Variants in FRS2 observed in about 807,000 individuals in gnomAD.
FRS2 encodes fibroblast growth factor receptor substrate 2.
In FRS2, 8 loss-of-function variants were observed where a neutral mutation model predicts 43.9. The observed-to-expected ratio is 0.18, with a 90% CI of 0.11 to 0.33. The LOEUF (loss-of-function observed/expected upper bound fraction) is 0.33, where lower values mean the gene tolerates loss of function less well. Among genes scored for constraint, FRS2 ranks in the 10% least tolerant of loss-of-function variants. The pLI is 1.00. For synonymous variants in FRS2, 219 were observed against 220.3 expected (o/e 0.99, Z 0.05); for missense variants, 534 against 627.6 (o/e 0.85, Z 1.59).
Position 69,575,068 on chromosome 12 carries a change from T to G in FRS2, c.*113T>G. The G allele has an allele frequency of 1.5e-6, 1 of 663,706 alleles. No individual in the cohort carries two copies. The highest frequency in any genetic ancestry group is 2.6e-6 in the Non-Finnish European group (1 of 384,746). 41.1% of individuals were successfully genotyped at this position (663,706 alleles called of 1,614,324 possible). ...TCCTTTTATAGACTGATAAAATTTT[T>G]TTCTGAATATTTCATGTGCATCTTT... On this transcript the variant is annotated 3_prime_UTR_variant, in exon 9 of 9. Transcript: ENST00000549921.
intron 1 of FRS2, among the ~76,000 whole-genome samples, chr12:69,498,952 T>C (rs1873182949): frequency 6.6e-6 from 1 of 152,200 alleles, no homozygotes; most frequent in Non-Finnish European, 1.5e-5. Flanking sequence ...TATGAGGTAT[T>C]ATTGGCCCTC....
chr12:69,513,731 G>T (rs1409043359), intron 1 of FRS2, among the ~76,000 whole-genome samples: 1 of 152,024 alleles, frequency 6.6e-6, no homozygotes, highest in South Asian at 2.1e-4. Flanking sequence ...ATGACCCTTG[G>T]GGGTGGGGCT....
At position 69,538,222 on chromosome 12, in the gene FRS2, TAGCATTGCAGATTATATATATATATAC is replaced by T. The variant is rs1272811724; in HGVS notation, c.-122+6168_-122+6194del. ...TTATATATATATATATATATATATA[TAGCATTGCAGATTATATATATATATAC>T]ATATATATATAAAGCATTGCAGATT... On this transcript the variant is annotated intron_variant, in intron 3 of 8. Coordinates refer to ENST00000549921, the MANE Select transcript of FRS2 (RefSeq NM_001278356.2). Among the ~76,000 whole-genome samples, 178 of 119,152 alleles carry T rather than the reference TAGCATTGCAGATTATATATATATATAC, an allele frequency of 1.5e-3. 2 individuals carry two copies. The highest frequency in any genetic ancestry group is 4.9e-3 in the African/African-American group (151 of 30,568). The allele number at this position is 119,152 out of a possible 152,430, so 78.2% of individuals were successfully genotyped here.
intron 1 of FRS2, among the ~76,000 whole-genome samples, chr12:69,522,548 CTGGGTGTATTGATCT>C (rs1875791289): frequency 2.0e-5 from 3 of 152,038 alleles, no homozygotes. Flanking sequence ...AAGCCAACTC[CTGGGTGTATTGATCT>C]TTTGAATGGT....
At chr12:69,533,132 G>A (rs766288237) in intron 3 of FRS2, among the ~76,000 whole-genome samples, 2 of 152,114 alleles carry the variant, frequency 1.3e-5, no homozygotes, top group Non-Finnish European at 2.9e-5. Context: ...ATAACAACTA[G>A]GATAGTCTTA....
At chr12:69,470,862 T>G (rs1319431315) in intron 1 of FRS2, among the ~76,000 whole-genome samples, 1 of 152,134 alleles carries the variant, frequency 6.6e-6, no homozygotes, top group Admixed American at 6.5e-5. Context: ...CCTAGTTTGG[T>G]ATTCTGTGTC....
chr12:69,539,920 A>T (rs1877716539), intron 3 of FRS2, among the ~76,000 whole-genome samples: 1 of 151,948 alleles, frequency 6.6e-6, no homozygotes, highest in Non-Finnish European at 1.5e-5. Flanking sequence ...GTGCCACTGC[A>T]CTCCAGCCTG....
At chr12:69,476,688 G>A (rs1171784517) in intron 1 of FRS2, among the ~76,000 whole-genome samples, 1 of 139,710 alleles carries the variant, frequency 7.2e-6, no homozygotes, top group African/African-American at 2.7e-5. Context: ...TGCATCAGTT[G>A]TCTAGATGAG....
rs59475670 is a variant in FRS2 at position 69,530,977 on chromosome 12, CT to C, written c.-165+34del. 16,362 of 134,542 alleles carry C rather than the reference CT, an allele frequency of 0.12. 1,327 individuals are homozygous for C. Among genetic ancestry groups the C allele is most frequent in the East Asian group, 0.4 (1,873 of 4,732 alleles). The allele number at this position is 134,542 out of a possible 1,614,324, so 8.3% of individuals were successfully genotyped here. On this transcript the variant is annotated intron_variant, in intron 2 of 8. Coordinates refer to ENST00000549921, the MANE Select transcript of FRS2 (RefSeq NM_001278356.2). Reference sequence around the variant, plus strand: ...ACCAGCTTGGTAAGTGTGGCCAAATCTTTTTTTTTTTTTTTTTAACTTTGTA... The same window carrying C: ...ACCAGCTTGGTAAGTGTGGCCAAATCTTTTTTTTTTTTTTTTAACTTTGTA...
intron 3 of FRS2, among the ~76,000 whole-genome samples, chr12:69,536,101 CTTTTTTTTTTTTTTTTTTTTT>C (rs71094720): frequency 6.7e-4 from 25 of 37,174 alleles, no homozygotes; most frequent in Admixed American, 1.2e-3. Context: ...TATTTTCATT[CTTTTTTTTTTTTTTTTTTTTT>C]TTTTTTTTTT....
At chr12:69,504,004 G>GAC (rs1873701313) in intron 1 of FRS2, among the ~76,000 whole-genome samples, 2 of 152,112 alleles carry the variant, frequency 1.3e-5, no homozygotes, top group African/African-American at 4.8e-5. Context: ...AGGAATTTGA[G>GAC]ACCAGCCTGT....
intron 1 of FRS2, among the ~76,000 whole-genome samples, chr12:69,489,005 G>A (rs1592925908): frequency 6.6e-6 from 1 of 152,256 alleles, no homozygotes; most frequent in Non-Finnish European, 1.5e-5. Context: ...TACAGTAGAA[G>A]TCTGTTAAAA....
chr12:69,552,132 G>A (rs965287848), intron 3 of FRS2, among the ~76,000 whole-genome samples: 6 of 151,528 alleles, frequency 4.0e-5, no homozygotes, highest in Non-Finnish European at 5.9e-5. Flanking sequence ...GAGAAACCCC[G>A]TCTCTACTAA....
At chr12:69,472,253 A>T (rs866643534) in intron 1 of FRS2, among the ~76,000 whole-genome samples, 5,737 of 133,476 alleles carry the variant, frequency 0.043, 216 homozygotes, top group Non-Finnish European at 0.061. Context: ...CACCTGGCTA[A>T]TTTTTTTTTT....
intron 1 of FRS2, among the ~76,000 whole-genome samples, chr12:69,526,553 A>G (rs913362817): frequency 1.2e-4 from 18 of 152,212 alleles, no homozygotes; most frequent in African/African-American, 4.3e-4. Context: ...AATGTCAAGA[A>G]TGTGTTCCAC....
intron 1 of FRS2, among the ~76,000 whole-genome samples, chr12:69,502,960 C>G (rs1873592635): frequency 1.3e-5 from 2 of 152,310 alleles, no homozygotes; most frequent in African/African-American, 4.8e-5. Flanking sequence ...TAACAAATTA[C>G]CATAAATTCA....
At chr12:69,498,555 G>GTGTGTGT (rs1565727350) in intron 1 of FRS2, among the ~76,000 whole-genome samples, 3 of 150,652 alleles carry the variant, frequency 2.0e-5, no homozygotes, top group African/African-American at 4.9e-5. Flanking sequence ...GTGTGTGTTT[G>GTGTGTGT]GTTTTTTGTT....
Position 69,570,442 on chromosome 12 carries a change from C to G in FRS2, c.178C>G (p.Leu60Val). The G allele has an allele frequency of 1.9e-6, 3 of 1,612,590 alleles. No individual in the cohort carries two copies. The highest frequency in any genetic ancestry group is 2.5e-6 in the Non-Finnish European group (3 of 1,178,628). ...ACGTGACTCAGTAAAATGGCACTAC[C>G]TCTGCCTGCGACGCTATGGCTATGA... ...RKRDSVKWHY[L>V]CLRRYGYDSN... is the part of the protein sequence containing the mutation. Residue 60 changes from leucine (L) to valine (V), a missense_variant, in exon 6 of 9, where the codon CTC becomes GTC. By Grantham distance (32) the Leu-to-Val change is conservative. Transcript: ENST00000549921.
intron 1 of FRS2, among the ~76,000 whole-genome samples, chr12:69,498,545 G>GTGTT (rs1375355027): frequency 1.3e-5 from 2 of 151,874 alleles, no homozygotes; most frequent in African/African-American, 2.4e-5. Flanking sequence ...GTGTGTGTGT[G>GTGTT]TGTGTGTTTG....
Sources: allele counts gnomAD v4.1 joint callset (sites outside exome capture counted in the v4.1 genomes callset), GRCh38; gene constraint gnomAD v4.1.1; transcripts MANE v1.5; gene names NCBI Gene and HGNC (gene_info 2026-07-23, HGNC 2026-07-21).